Variants in LRMDA observed in about 807,000 individuals in gnomAD.
The protein encoded by LRMDA is leucine rich melanocyte differentiation associated.
Under a neutral mutation model 29.8 loss-of-function variants are expected in LRMDA, and 18 were observed. The ratio of observed to expected loss-of-function variants is 0.60; its 90% CI spans 0.42 to 0.90. The LOEUF is 0.90. Ranked by LOEUF, LRMDA falls within the 40% of genes least tolerant of loss-of-function variation. The probability of loss-of-function intolerance (pLI) is 0.00; values close to 1 mark genes in which losing one functional copy is unlikely to be tolerated. For missense variants in LRMDA, 273 were observed against 273.9 expected (o/e 1.00, Z 0.02); for synonymous variants, 125 against 109.4 (o/e 1.14, Z -0.89).
At chr10:76,047,499 A>C (rs1848460800) in intron 4 of LRMDA, among the ~76,000 whole-genome samples, 196 bp downstream of exon 4, 1 of 152,228 alleles carries the variant, frequency 6.6e-6, no homozygotes, top group African/African-American at 2.4e-5. Flanking sequence ...AAGAAAGATG[A>C]AAAGTTATTG....
chr10:75,642,846 T>C (rs977514130), intron 2 of LRMDA: 7 of 152,198 alleles, frequency 4.6e-5, no homozygotes, highest in African/African-American at 1.7e-4. Flanking sequence ...AGTGTTCCCA[T>C]GATCTTTTGC....
rs140628417 is a variant in LRMDA, at chr10:76,315,499, G to C, written c.517-8902G>C. Among the ~76,000 whole-genome samples, 1,391 of 152,346 alleles carry C rather than the reference G, an allele frequency of 9.1e-3. 14 individuals are homozygous for C. The highest frequency in any genetic ancestry group is 0.031 in the African/African-American group (1,300 of 41,582). On this transcript the variant is annotated intron_variant, in intron 5 of 6. Transcript: ENST00000611255. ...GCAGAGCAAAGTTGTGGCCAAGCCC[G>C]AGGGCTGTCGTGACTCAGCTGCGTT...
intron 2 of LRMDA, among the ~76,000 whole-genome samples, chr10:75,918,379 G>A (rs1245449415): frequency 6.6e-6 from 1 of 152,126 alleles, no homozygotes; most frequent in African/African-American, 2.4e-5. Flanking sequence ...GGAGGCCTCA[G>A]GGAGTTTCCA....
chr10:75,671,485 A>G (rs1841890694), intron 2 of LRMDA, among the ~76,000 whole-genome samples: 1 of 152,182 alleles, frequency 6.6e-6, no homozygotes, highest in African/African-American at 2.4e-5. Flanking sequence ...TGTCCTTTGC[A>G]GGGACATGGG....
intron 5 of LRMDA, among the ~76,000 whole-genome samples, chr10:76,210,770 TGAG>T (rs1337507164): frequency 6.6e-6 from 1 of 152,176 alleles, no homozygotes; most frequent in Non-Finnish European, 1.5e-5. Flanking sequence ...CTCTAACAAA[TGAG>T]GAGGAGGAGA....
rs543550315 is a variant in LRMDA at position 75,472,324 on chromosome 10, C to T, written c.131+33830C>T. ...GAGGCAGAAGGGCCTACCATTTATG[C>T]GCCCATTATGTACCAGGCACTGTCC... On this transcript the variant is annotated intron_variant, in intron 2 of 6. Coordinates refer to ENST00000611255, the MANE Select transcript of LRMDA (RefSeq NM_001305581.2). 5.3e-5 allele frequency among the ~76,000 whole-genome samples: 8 copies of T among 152,294 alleles called. No homozygotes were observed. In the South Asian group the frequency reaches 8.3e-4, roughly 16 times the overall value.
intron 6 of LRMDA, among the ~76,000 whole-genome samples, chr10:76,469,423 T>C (rs372745258): frequency 2.0e-5 from 3 of 152,176 alleles, no homozygotes; most frequent in East Asian, 1.9e-4. Context: ...TGAGAACACT[T>C]GGGCCCTCAT....
chr10:76,189,672 A>G (rs1328532358), intron 5 of LRMDA, among the ~76,000 whole-genome samples: 5 of 152,206 alleles, frequency 3.3e-5, no homozygotes, highest in African/African-American at 1.2e-4. Flanking sequence ...AAAATTTAAC[A>G]TATTTCAAAA....
At chr10:75,577,449 A>C (rs1040442512) in intron 2 of LRMDA, among the ~76,000 whole-genome samples, 6 of 152,240 alleles carry the variant, frequency 3.9e-5, no homozygotes, top group African/African-American at 1.4e-4. Context: ...GGATGGAACC[A>C]AGTTGGAAAA....
chr10:76,086,528 G>C (rs76797862), intron 5 of LRMDA, among the ~76,000 whole-genome samples: 1 of 152,150 alleles, frequency 6.6e-6, no homozygotes, highest in Non-Finnish European at 1.5e-5. Flanking sequence ...GTCAACACTC[G>C]TAAGTAAGTG....
chr10:76,151,330 C>T (rs984403724), intron 5 of LRMDA, among the ~76,000 whole-genome samples: 5 of 152,202 alleles, frequency 3.3e-5, no homozygotes, highest in African/African-American at 9.6e-5. Flanking sequence ...GAGGTCTCCC[C>T]GACCACGTTT....
chr10:75,842,103 C>T (rs542442322), intron 2 of LRMDA, among the ~76,000 whole-genome samples: 47 of 152,328 alleles, frequency 3.1e-4, no homozygotes, highest in African/African-American at 9.6e-4. Context: ...TACTCTAAGT[C>T]GGGGTTGGCA....
At chr10:76,237,553 T>A (rs1852175223) in intron 5 of LRMDA, among the ~76,000 whole-genome samples, 1 of 152,174 alleles carries the variant, frequency 6.6e-6, no homozygotes, top group Non-Finnish European at 1.5e-5. Context: ...CTTTGGTGGC[T>A]TTTGCTGACA....
At chr10:76,393,794 G>A (rs4366431) in intron 6 of LRMDA, among the ~76,000 whole-genome samples, 2 of 152,104 alleles carry the variant, frequency 1.3e-5, no homozygotes, top group Admixed American at 1.3e-4. Context: ...GCTGCTTCAG[G>A]TCTTATGTTG....
chr10:75,610,050 C>T (rs748625914), intron 2 of LRMDA, among the ~76,000 whole-genome samples: 20 of 152,116 alleles, frequency 1.3e-4, no homozygotes, highest in Non-Finnish European at 1.5e-4. Context: ...TTACAGCTTC[C>T]GAACTGGTGA....
chr10:76,328,049 C>G (rs1564725444), intron 6 of LRMDA, among the ~76,000 whole-genome samples: 2 of 152,172 alleles, frequency 1.3e-5, no homozygotes, highest in Non-Finnish European at 2.9e-5. Context: ...TTGTGGTACA[C>G]ACATGGATTT....
chr10:76,138,303 G>A lies in LRMDA; in HGVS notation c.516+79520G>A, dbSNP rs557114533. 2.6e-5 allele frequency among the ~76,000 whole-genome samples: 4 copies of A among 152,182 alleles called. No homozygotes were observed. The East Asian group carries it at 7.7e-4, about 29-fold the overall frequency. ...GCCATATGCCTTTGGCTGACAGGTGGGGGACAGGTTCTGGACAGCTTCCAG... is the reference window on the plus strand; with the variant it reads ...GCCATATGCCTTTGGCTGACAGGTGAGGGACAGGTTCTGGACAGCTTCCAG... On this transcript the variant is annotated intron_variant, in intron 5 of 6. Transcript: ENST00000611255.
chr10:75,806,985 G>T (rs1173130262), intron 2 of LRMDA, among the ~76,000 whole-genome samples: 1 of 152,098 alleles, frequency 6.6e-6, no homozygotes, highest in African/African-American at 2.4e-5. Context: ...AAATTTCAGG[G>T]TAGCATAAGA....
At chr10:75,492,412 G>C (rs1844999313) in intron 2 of LRMDA, among the ~76,000 whole-genome samples, 1 of 152,162 alleles carries the variant, frequency 6.6e-6, no homozygotes, top group Non-Finnish European at 1.5e-5. Context: ...GTCATTGCCT[G>C]CCTGCAGTAT....
Sources: gnomAD v4.1 joint callset for allele counts (sites outside exome capture counted in the v4.1 genomes callset) on GRCh38, gnomAD v4.1.1 for gene constraint, MANE v1.5 for transcripts, NCBI Gene and HGNC (gene_info 2026-07-23, HGNC 2026-07-21) for gene names.